The following SMOC2 variants were observed in gnomAD, a reference collection of about 807,000 sequenced individuals.
SMOC2 encodes the protein SPARC-related modular calcium-binding protein 2.
A neutral mutation model predicts 61.4 loss-of-function variants in SMOC2; 39 were observed. That is an observed-to-expected ratio of 0.64 (90% confidence interval 0.49 to 0.83). The LOEUF is 0.83. Ranked by LOEUF, SMOC2 falls within the 40% of genes least tolerant of loss-of-function variation. SMOC2 has a pLI of 0.00. For missense variants in SMOC2, 556 were observed against 592.9 expected (o/e 0.94, Z 0.65); for synonymous variants, 247 against 239.9 (o/e 1.03, Z -0.27).
At position 168,659,008 on chromosome 6, in the gene SMOC2, G is replaced by C. The variant is rs534421771; in HGVS notation, c.1286-5066G>C. 1.5e-4 allele frequency among the ~76,000 whole-genome samples: 23 copies of C among 150,052 alleles called. No homozygotes were observed. The South Asian group carries it at 4.9e-3, about 32-fold the overall frequency. On this transcript the variant is annotated intron_variant, in intron 11 of 12. Transcript: ENST00000356284. ...GTGTGTGTAAATATGGGGTGTGTGT[G>C]TTTATGGTGTGTGGGGGTGTGGTGT... is the stretch of plus-strand genomic sequence containing the variant.
intron 2 of SMOC2, among the ~76,000 whole-genome samples, chr6:168,518,763 A>T (rs183303845): frequency 2.0e-5 from 3 of 149,262 alleles, no homozygotes; most frequent in Non-Finnish European, 3.0e-5. Context: ...GTGTGTGTTC[A>T]TGTGCGTGTG....
At chr6:168,608,596 G>A (rs1005009548) in intron 9 of SMOC2, among the ~76,000 whole-genome samples, 6 of 152,336 alleles carry the variant, frequency 3.9e-5, no homozygotes, top group African/African-American at 1.4e-4. Context: ...ACATTTCACT[G>A]TCACTTTCTG....
chr6:168,495,708 C>T (rs531099588), intron 1 of SMOC2, among the ~76,000 whole-genome samples: 1 of 152,156 alleles, frequency 6.6e-6, no homozygotes, highest in African/African-American at 2.4e-5. Context: ...AGGACACAGG[C>T]GTGACCCGGG....
At chr6:168,508,190 G>A (rs1056624304) in intron 1 of SMOC2, among the ~76,000 whole-genome samples, 3 of 152,172 alleles carry the variant, frequency 2.0e-5, no homozygotes, top group Admixed American at 6.5e-5. Flanking sequence ...TTTTATTGGC[G>A]TGAAGATTTT....
At chr6:168,459,001 T>C (rs1781656394) in intron 1 of SMOC2, among the ~76,000 whole-genome samples, 3 of 152,234 alleles carry the variant, frequency 2.0e-5, no homozygotes, top group Admixed American at 6.5e-5. Flanking sequence ...GTCATAATTA[T>C]GAATAATGCT....
intron 1 of SMOC2, among the ~76,000 whole-genome samples, chr6:168,466,702 A>G (rs1425639934): frequency 6.6e-6 from 1 of 152,258 alleles, no homozygotes; most frequent in Non-Finnish European, 1.5e-5. Context: ...TCAAAACCCC[A>G]GCTCCACGAA....
intron 9 of SMOC2, among the ~76,000 whole-genome samples, chr6:168,645,493 G>C (rs369157282): frequency 9.9e-5 from 15 of 152,284 alleles, no homozygotes; most frequent in African/African-American, 3.1e-4. Context: ...TCCTCTCCTC[G>C]GGCCTTTTCT....
intron 9 of SMOC2, among the ~76,000 whole-genome samples, chr6:168,620,855 G>C (rs1345697237): frequency 1.3e-5 from 2 of 152,206 alleles, no homozygotes; most frequent in Non-Finnish European, 2.9e-5. Flanking sequence ...GCTGATAGGA[G>C]CAATTGAGTT....
chr6:168,590,064 G>C (rs113640526), intron 7 of SMOC2, among the ~76,000 whole-genome samples: 1 of 43,076 alleles, frequency 2.3e-5, no homozygotes, highest in African/African-American at 1.1e-4. Context: ...CATTAGTTTA[G>C]GGGGCAGCCG....
chr6:168,611,954 G>A (rs927753502), intron 9 of SMOC2, among the ~76,000 whole-genome samples: 14 of 152,200 alleles, frequency 9.2e-5, no homozygotes, highest in Non-Finnish European at 1.3e-4. Flanking sequence ...ACTCTGCCCC[G>A]TGCCTCACAG....
chr6:168,554,272 C>T (rs1784195829), intron 7 of SMOC2, among the ~76,000 whole-genome samples: 1 of 152,250 alleles, frequency 6.6e-6, no homozygotes, highest in African/African-American at 2.4e-5. Flanking sequence ...GATACTTACT[C>T]TATGCAGATT....
intron 9 of SMOC2, among the ~76,000 whole-genome samples, chr6:168,615,014 CCTACAGCCAGCACAGGGCCTCTTCACAT>C (rs1786026345): frequency 4.1e-5 from 2 of 48,374 alleles, no homozygotes; most frequent in Non-Finnish European, 8.2e-5. Flanking sequence ...CCTCTTCATA[CCTACAGCCAGCACAGGGCCTCTTCACAT>C]CTACAGCCAG....
At chr6:168,658,122 G>A (rs545202299) in intron 11 of SMOC2, among the ~76,000 whole-genome samples, 1 of 152,300 alleles carries the variant, frequency 6.6e-6, no homozygotes, top group South Asian at 2.1e-4. Context: ...GCAGGTGGCT[G>A]CCAGATCTGC....
chr6:168,447,165 C>G (rs1283357983), intron 1 of SMOC2, among the ~76,000 whole-genome samples: 5 of 152,272 alleles, frequency 3.3e-5, no homozygotes, highest in African/African-American at 1.2e-4. Flanking sequence ...CTCCTGGGCT[C>G]AAGCGATTCC....
At chr6:168,584,704 T>A (rs1395321488) in intron 7 of SMOC2, among the ~76,000 whole-genome samples, 1 of 152,232 alleles carries the variant, frequency 6.6e-6, no homozygotes, top group Non-Finnish European at 1.5e-5. Context: ...TTAGAATTCC[T>A]ATTTTATGCT....
chr6:168,643,639 C>A (rs963982153), intron 9 of SMOC2, among the ~76,000 whole-genome samples: 3 of 152,204 alleles, frequency 2.0e-5, no homozygotes, highest in Non-Finnish European at 4.4e-5. Context: ...CCGGCCTCAT[C>A]ATGGCCGTGG....
intron 7 of SMOC2, among the ~76,000 whole-genome samples, chr6:168,569,496 A>G (rs1403472724): frequency 1.3e-5 from 2 of 152,168 alleles, no homozygotes; most frequent in East Asian, 1.9e-4. Flanking sequence ...GCTGGAGTGC[A>G]ATAGTGCAAT....
intron 1 of SMOC2, among the ~76,000 whole-genome samples, chr6:168,478,570 A>AGTAAG (rs1394928002): frequency 6.6e-6 from 1 of 152,206 alleles, no homozygotes; most frequent in Non-Finnish European, 1.5e-5. Context: ...GAGGTTGACA[A>AGTAAG]GTAAGGGGTC....
intron 1 of SMOC2, among the ~76,000 whole-genome samples, chr6:168,496,986 C>T (rs906589917): frequency 2.6e-5 from 4 of 152,350 alleles, no homozygotes; most frequent in East Asian, 1.9e-4. Flanking sequence ...GAAGATGCGG[C>T]CCCCGGCAAG....
Sources: allele counts gnomAD v4.1 joint callset (sites outside exome capture counted in the v4.1 genomes callset), GRCh38; gene constraint gnomAD v4.1.1; transcripts MANE v1.5; gene names NCBI Gene and HGNC (gene_info 2026-07-23, HGNC 2026-07-21).